Variants in NBEAL1 observed in about 807,000 individuals in gnomAD.
NBEAL1 encodes neurobeachin like 1, also known as neurobeachin-like protein 1.
NBEAL1 carries 273 observed loss-of-function variants against 351.3 expected under a neutral mutation model. The ratio of observed to expected loss-of-function variants is 0.78; its 90% CI spans 0.70 to 0.86. NBEAL1 has a LOEUF of 0.86. NBEAL1 is among the 40% of genes least tolerant of loss of function. The pLI, the probability that NBEAL1 is intolerant of heterozygous loss-of-function variation, is 0.00. For synonymous variants in NBEAL1, 1,050 were observed against 1,086.4 expected, an observed-to-expected ratio of 0.97 and a Z score of 0.66; for missense variants, 2,961 against 3,201.3, an observed-to-expected ratio of 0.92 and a Z score of 1.81.
At position 203,190,399 on chromosome 2, in the gene NBEAL1, C is replaced by T. The variant is rs753920039; in HGVS notation, c.6921+10C>T. 10 of 1,566,976 alleles carry T rather than the reference C, an allele frequency of 6.4e-6. No individual in the cohort carries two copies. The highest frequency in any genetic ancestry group is 8.7e-6 in the Non-Finnish European group (10 of 1,145,624). On this transcript the variant is annotated intron_variant, in intron 46 of 55. Coordinates refer to ENST00000683969, the MANE Select transcript of NBEAL1 (RefSeq NM_001378026.1). ...CTGTCAATTATTAAAGGTAAGTCAA[C>T]AACTTAAGAAGTAGATTTAAGTCAA...
intron 6 of NBEAL1, chr2:203,061,809 A>G (rs2061504160): frequency 6.0e-6 from 1 of 166,700 alleles, no homozygotes; most frequent in African/African-American, 2.4e-5. Context: ...CAATGTTTAC[A>G]TTTATAGGGT....
intron 6 of NBEAL1, among the ~76,000 whole-genome samples, chr2:203,059,512 A>C (rs1320859270): frequency 6.6e-6 from 1 of 152,210 alleles, no homozygotes; most frequent in African/African-American, 2.4e-5. Flanking sequence ...TCAAATTGGC[A>C]ATTTAATGTT....
rs2063473630 is a variant in NBEAL1 at position 203,144,990 on chromosome 2, CTT to C, written c.5155-16_5155-15del. 1 of 1,518,136 alleles carries C rather than the reference CTT, an allele frequency of 6.6e-7. No homozygotes were observed. Among genetic ancestry groups the C allele is most frequent in the Non-Finnish European group, 8.8e-7 (1 of 1,135,494 alleles). 94.0% of individuals were successfully genotyped at this position (1,518,136 alleles called of 1,614,324 possible). Reference sequence around the variant, plus strand: ...AAGTCATATATTAAATTTTATGTATCTTTTTTATTTTTTTGGTAAGATTGTAC... The same window carrying C: ...AAGTCATATATTAAATTTTATGTATCTTTTATTTTTTTGGTAAGATTGTAC... On this transcript the variant is annotated intron_variant, in intron 32 of 55. Transcript: ENST00000683969.
intron 53 of NBEAL1, among the ~76,000 whole-genome samples, chr2:203,209,594 G>A (rs1334019437): frequency 1.3e-5 from 2 of 152,128 alleles, no homozygotes; most frequent in Non-Finnish European, 2.9e-5. Context: ...TTAAGCTTAA[G>A]TGGAAACTGG....
intron 51 of NBEAL1, among the ~76,000 whole-genome samples, chr2:203,203,307 A>T (rs1046833762): frequency 1.8e-4 from 26 of 148,418 alleles, no homozygotes; most frequent in African/African-American, 6.4e-4. Flanking sequence ...ATGCCTGGCT[A>T]TTTTTTTTTT....
Position 203,016,425 on chromosome 2 carries a change from A to G in NBEAL1, c.41A>G (p.Tyr14Cys), listed in dbSNP as rs2060681006. ...AGGCTCTTTGAACTTTGGATGCTTT[A>G]TTGTACAAAGGTAATTGCTTTCCTT... ...RERLFELWML[Y>C]CTKKDPDYLK... Residue 14 changes from tyrosine to cysteine, a missense_variant, in exon 2 of 56, where the codon TAT becomes TGT. Transcript: ENST00000683969. 6.7e-7 allele frequency: 1 copy of G among 1,487,650 alleles called. No individual in the cohort carries two copies. The highest frequency in any genetic ancestry group is 2.5e-5 in the East Asian group (1 of 39,798). 92.2% of individuals were successfully genotyped at this position (1,487,650 alleles called of 1,614,324 possible).
chr2:203,056,231 G>A (rs1055621185), intron 4 of NBEAL1, among the ~76,000 whole-genome samples, 196 bp from the exon 5 acceptor site: 1 of 152,130 alleles, frequency 6.6e-6, no homozygotes, highest in African/African-American at 2.4e-5. Flanking sequence ...TCTGTTTATA[G>A]TAGTTAAATG....
chr2:203,091,377 T>G (rs959919137), intron 10 of NBEAL1, among the ~76,000 whole-genome samples: 1 of 152,248 alleles, frequency 6.6e-6, no homozygotes, highest in Non-Finnish European at 1.5e-5. Context: ...TGCTTATTCA[T>G]CCATCAGTGG....
In NBEAL1 at chr2:203,166,141, T is replaced by G; in HGVS notation, c.5715-8T>G. 6.5e-7 allele frequency: 1 copy of G among 1,547,846 alleles called. No homozygotes were observed. The highest frequency in any genetic ancestry group is 8.7e-7 in the Non-Finnish European group (1 of 1,154,228). On this transcript the variant is annotated splice_polypyrimidine_tract_variant and splice_region_variant and intron_variant, in intron 36 of 55. Coordinates refer to ENST00000683969, the MANE Select transcript of NBEAL1 (RefSeq NM_001378026.1). ...ATTTTTCTGTTTATTGGCTTCTTGT[T>G]TTTACAGTGATGAGAAAGAAGAACA... is the stretch of plus-strand genomic sequence containing the variant.
rs1477528343 is a variant in NBEAL1, at chr2:203,125,307, T to C, written c.2683-45T>C. 7 of 1,304,294 alleles carry C rather than the reference T, an allele frequency of 5.4e-6. No individual in the cohort carries two copies. The East Asian group carries it at 1.4e-4, about 26-fold the overall frequency. 80.8% of individuals were successfully genotyped at this position (1,304,294 alleles called of 1,614,324 possible). A position where few individuals can be genotyped will look rare whatever the true frequency, so the allele number is the denominator to read the frequency against. Reference sequence around the variant, plus strand: ...CATGTGAAGATATTAAATGACAAAATTGTCCTCCTTTTATAAGATTTAAAC... The same window carrying C: ...CATGTGAAGATATTAAATGACAAAACTGTCCTCCTTTTATAAGATTTAAAC... On this transcript the variant is annotated intron_variant, in intron 19 of 55. Transcript: ENST00000683969.
Position 203,107,693 on chromosome 2 carries a change from A to G in NBEAL1, c.1454A>G (p.Glu485Gly), listed in dbSNP as rs569924676. 1 of 1,553,266 alleles carries G rather than the reference A, an allele frequency of 6.4e-7. No homozygotes were observed. The highest frequency in any genetic ancestry group is 1.2e-5 in the South Asian group (1 of 84,134). Residue 485 changes from glutamate (E) to glycine (G), a missense_variant, in exon 14 of 56, where the codon GAA becomes GGA. Transcript: ENST00000683969. ...PLLLLIQWLP[E>G]LQSHDLQIFI... ...TTGCTTCTTATCCAGTGGCTTCCAG[A>G]ACTACAATCCCATGACCTGCAAATC... is the stretch of plus-strand genomic sequence containing the variant.
rs755840743 is a variant in NBEAL1, at chr2:203,083,270, G to T, written c.736G>T (p.Val246Leu). 2 of 1,552,350 alleles carry T rather than the reference G, an allele frequency of 1.3e-6. No individual in the cohort carries two copies. The highest frequency in any genetic ancestry group is 2.7e-5 in the African/African-American group (2 of 73,322). Residue 246 changes from valine to leucine, a missense_variant, in exon 9 of 56, where the codon GTA (valine) becomes TTA (leucine). Transcript: ENST00000683969. ...AGCCACTATGGAAGTTCTTATGCGAGTATTGGCAGATTGTGATTCCTGGGA... is the reference window on the plus strand; with the variant it reads ...AGCCACTATGGAAGTTCTTATGCGATTATTGGCAGATTGTGATTCCTGGGA... ...SPATMEVLMR[V>L]LADCDSWEDG...
chr2:203,072,669 TTATAA>T (rs1291459416), intron 7 of NBEAL1, among the ~76,000 whole-genome samples: 2 of 152,298 alleles, frequency 1.3e-5, no homozygotes, highest in East Asian at 3.9e-4. Flanking sequence ...CTTTGCCACT[TTATAA>T]TAAGGATCCC....
chr2:203,049,760 G>A, intron 3 of NBEAL1, 54 bp from the exon 4 acceptor site: 4 of 1,431,236 alleles, frequency 2.8e-6, no homozygotes, highest in Non-Finnish European at 3.7e-6. Flanking sequence ...AAATGCCAGA[G>A]ATTTTCTTCT....
At chr2:203,193,705 T>C in intron 46 of NBEAL1, 90 bp from the exon 47 acceptor site, 1 of 778,256 alleles carries the variant, frequency 1.3e-6, no homozygotes. Context: ...ATGTAATTCA[T>C]TGTAGCTAGA....
intron 31 of NBEAL1, among the ~76,000 whole-genome samples, chr2:203,143,143 A>G (rs1453231187): frequency 6.6e-6 from 1 of 152,126 alleles, no homozygotes; most frequent in Non-Finnish European, 1.5e-5. Context: ...GTTAAGGGAG[A>G]AGGAGTCACA....
intron 3 of NBEAL1, 145 bp from the exon 4 acceptor site, chr2:203,049,669 T>C: frequency 3.3e-6 from 2 of 599,094 alleles, no homozygotes; most frequent in Non-Finnish European, 5.7e-6. Flanking sequence ...GCTACATCTG[T>C]GTTGCAGACG....
In NBEAL1 at chr2:203,138,315, G is replaced by C; in HGVS notation, c.4719G>C (p.Lys1573Asn). Residue 1573 changes from lysine to asparagine, a missense_variant and splice_region_variant, in exon 30 of 56, where the codon AAG (lysine) becomes AAC (asparagine). By Grantham distance (94) the Lys-to-Asn change is moderately conservative. Transcript: ENST00000683969. Reference protein sequence around the residue: ...GLVNSNMWTEKLLEDMMLLFD... With the variant: ...GLVNSNMWTENLLEDMMLLFD... ...TTAATTCAAACATGTGGACCGAGAA[G>C]GTGCAGTAATATCTCTTTAAAATTA... is the stretch of plus-strand genomic sequence containing the variant. 6.2e-7 allele frequency: 1 copy of C among 1,604,836 alleles called. No homozygotes were observed. The highest frequency in any genetic ancestry group is 8.5e-7 in the Non-Finnish European group (1 of 1,177,850).
chr2:203,205,454 T>C (rs2065526021), intron 51 of NBEAL1, among the ~76,000 whole-genome samples: 1 of 152,226 alleles, frequency 6.6e-6, no homozygotes, highest in African/African-American at 2.4e-5. Context: ...TACCATTAGC[T>C]AATCCACAGT....
Sources: allele counts gnomAD v4.1 joint callset (sites outside exome capture counted in the v4.1 genomes callset), GRCh38; gene constraint gnomAD v4.1.1; transcripts MANE v1.5; gene names NCBI Gene and HGNC (gene_info 2026-07-23, HGNC 2026-07-21).